CYP2D6: variants seen among roughly 807,000 people sequenced by gnomAD.
The protein encoded by CYP2D6 is cytochrome P450 2D6.
CYP2D6 carries 51 observed loss-of-function variants against 43.5 expected under a neutral mutation model. The observed-to-expected ratio is 1.17, with a 90% confidence interval of 0.94 to 1.48. CYP2D6 has a LOEUF of 1.48. Among genes scored for constraint, CYP2D6 ranks in the 40% most tolerant of loss-of-function variants. CYP2D6 has a pLI of 0.00. For synonymous variants in CYP2D6, 346 were observed against 297.1 expected (o/e 1.16, Z -1.69); for missense variants, 698 against 688.0 (o/e 1.01, Z -0.16).
intron 1 of CYP2D6, 90 bp downstream of exon 1, chr22:42,130,522 G>A (rs29001678): frequency 0.033 from 42,294 of 1,271,684 alleles, 1,858 homozygotes; most frequent in Non-Finnish European, 0.039. Flanking sequence ...CTGGCTTCTG[G>A]TCCAGCCTGT....
chr22:42,129,956 G>C lies in CYP2D6; in HGVS notation c.181-47C>G, dbSNP rs1019158703. 4 of 1,484,650 alleles carry C rather than the reference G, an allele frequency of 2.7e-6. No individual in the cohort carries two copies. In the African/African-American group the frequency reaches 6.1e-5, roughly 23 times the overall value. The allele number at this position is 1,484,650 out of a possible 1,614,324, so 92.0% of individuals were successfully genotyped here. A position where few individuals can be genotyped will look rare whatever the true frequency, so the allele number is the denominator to read the frequency against. ...CTCTTGTCAAGCCAGGATCACCCCAGACTACAGGTCCTAGTCCTATTTGAA... is the reference window on the plus strand; with the variant it reads ...CTCTTGTCAAGCCAGGATCACCCCACACTACAGGTCCTAGTCCTATTTGAA... On this transcript the variant is annotated intron_variant, in intron 1 of 8. Transcript: ENST00000645361.
chr22:42,127,511 A>G lies in CYP2D6; in HGVS notation c.1109T>C (p.Val370Ala), dbSNP rs2146931151. The G allele has an allele frequency of 1.2e-6, 2 of 1,611,676 alleles. No individual in the cohort carries two copies. Among genetic ancestry groups the G allele is most frequent in the Non-Finnish European group, 1.7e-6 (2 of 1,178,362 alleles). ...IHEVQRFGDI[V>A]PLGVTHMTSR... ...TGTCATATGGGTCACACCCAGGGGGACGATGTCCCCAAAGCGCTGCACCTC... is the reference window on the plus strand; with the variant it reads ...TGTCATATGGGTCACACCCAGGGGGGCGATGTCCCCAAAGCGCTGCACCTC... The change falls in exon 7 of 9, where the codon GTC (valine) becomes GCC (alanine). Residue 370 changes from valine to alanine, a missense_variant. Val to Ala is a moderately conservative substitution (Grantham distance 64). Transcript: ENST00000645361.
rs1292872918 is a variant in CYP2D6 at position 42,127,923 on chromosome 22, G to A, written c.904C>T (p.Leu302=). Residue 302 remains leucine (L), a synonymous_variant, in exon 6 of 9, where the codon CTG becomes TTG. Coordinates refer to ENST00000645361, the MANE Select transcript of CYP2D6 (RefSeq NM_000106.6). The part of the protein sequence containing the change: ...DENLRIVVAD[L]FSAGMVTTST... ...GTGGTCACCATCCCGGCAGAGAACA[G>A]GTCAGCCACCACTATGCGCAGGTTC... 1.9e-6 allele frequency: 3 copies of A among 1,611,178 alleles called. No individual in the cohort carries two copies. Among genetic ancestry groups the A allele is most frequent in the East Asian group, 2.2e-5 (1 of 44,752 alleles).
Position 42,129,157 on chromosome 22 carries a change from C to T in CYP2D6, c.381G>A (p.Ala127=), listed in dbSNP as rs761571009. 9.3e-6 allele frequency: 15 copies of T among 1,607,980 alleles called. 1 individual carries two copies. Among genetic ancestry groups the T allele is most frequent in the South Asian group, 8.8e-5 (8 of 90,906 alleles). The change falls in exon 3 of 9, where the codon GCG becomes GCA. Residue 127 remains alanine, a synonymous_variant. Transcript: ENST00000645361. The stretch of plus-strand genomic sequence containing the variant: ...CGGAGAAGCGCCTCTGCTCGCGCCA[C>T]GCGGGCCCATAGCGCGCCAGGAACA... ...QGVFLARYGP[A]WREQRRFSVS...
At position 42,129,127 on chromosome 22, in the gene CYP2D6, G is replaced by A. The variant is rs1349481801; in HGVS notation, c.411C>T (p.Ser137=). The change falls in exon 3 of 9, where the codon TCC becomes TCT. Residue 137 remains serine (S), a synonymous_variant. Transcript: ENST00000645361. ...AWREQRRFSV[S]TLRNLGLGKK... is the part of the protein sequence containing the mutation. ...TGCCCAGGCCCAAGTTGCGCAAGGT[G>A]GACACGGAGAAGCGCCTCTGCTCGC... 5.6e-6 allele frequency: 9 copies of A among 1,610,540 alleles called. No individual in the cohort carries two copies. The highest frequency in any genetic ancestry group is 2.7e-5 in the African/African-American group (2 of 74,616).
At chr22:42,129,981 A>G (rs1602586115) in intron 1 of CYP2D6, 72 bp from the exon 2 acceptor site, 2 of 1,396,466 alleles carry the variant, frequency 1.4e-6, no homozygotes, top group Admixed American at 2.2e-5. Flanking sequence ...TCCTATTTGA[A>G]CCTTGGACGA....
chr22:42,127,882 G>A lies in CYP2D6; in HGVS notation c.945C>T (p.Ala315=). ...GTAGGATCATGAGCAGGAGGCCCCA[G>A]GCCAGCGTGGTCGAGGTGGTCACCA... ...AGMVTTSTTL[A]WGLLLMILHP... The change falls in exon 6 of 9, where the codon GCC becomes GCT. Residue 315 remains alanine (A), a synonymous_variant. Transcript: ENST00000645361. 2 of 1,611,196 alleles carry A rather than the reference G, an allele frequency of 1.2e-6. No individual in the cohort carries two copies. Among genetic ancestry groups the A allele is most frequent in the Non-Finnish European group, 1.7e-6 (2 of 1,178,204 alleles).
intron 7 of CYP2D6, 58 bp downstream of exon 7, chr22:42,127,389 G>A (rs1412928919): frequency 1.4e-6 from 2 of 1,390,074 alleles, no homozygotes; most frequent in African/African-American, 2.9e-5. Flanking sequence ...CAGTAGCCAT[G>A]CTGGGGCTAT....
chr22:42,127,230 C>G (rs552754154), intron 7 of CYP2D6, among the ~76,000 whole-genome samples: 38 of 151,696 alleles, frequency 2.5e-4, no homozygotes, highest in African/African-American at 8.7e-4. Context: ...AACATTCTGG[C>G]AGGTCCTGGT....
rs1555888910 is a variant in CYP2D6 at position 42,127,523 on chromosome 22, A to G, written c.1097T>C (p.Phe366Ser). The G allele has an allele frequency of 1.2e-6, 2 of 1,611,870 alleles. No homozygotes were observed. The highest frequency in any genetic ancestry group is 8.5e-7 in the Non-Finnish European group (1 of 1,178,588). The change falls in exon 7 of 9, where the codon TTT becomes TCT. Residue 366 changes from phenylalanine (F) to serine (S), a missense_variant. Physicochemically the swap from Phe to Ser is radical, Grantham distance 155. Transcript: ENST00000645361. Reference sequence around the variant, plus strand: ...CACACCCAGGGGGACGATGTCCCCAAAGCGCTGCACCTCATGAATCACGGC... The same window carrying G: ...CACACCCAGGGGGACGATGTCCCCAGAGCGCTGCACCTCATGAATCACGGC... ...TTAVIHEVQR[F>S]GDIVPLGVTH...
chr22:42,128,654 C>T, intron 4 of CYP2D6, 130 bp downstream of exon 4: 4 of 1,113,040 alleles, frequency 3.6e-6, no homozygotes, highest in African/African-American at 1.6e-5. Context: ...GCCCTTCTTA[C>T]AGTGGGGTCT....
intron 5 of CYP2D6, 62 bp from the exon 6 acceptor site, chr22:42,128,045 C>G: frequency 1.2e-6 from 2 of 1,607,392 alleles, no homozygotes; most frequent in East Asian, 2.2e-5. Context: ...ACCTCCAATT[C>G]TGCACCTGTC....
chr22:42,127,690 A>G (rs1189347298), intron 6 of CYP2D6, 56 bp from the exon 7 acceptor site: 2 of 1,585,066 alleles, frequency 1.3e-6, no homozygotes, highest in Non-Finnish European at 1.7e-6. Context: ...CGGCCCTGAC[A>G]CTCCTTCTTG....
intron 4 of CYP2D6, 76 bp downstream of exon 4, chr22:42,128,708 T>C: frequency 6.6e-7 from 1 of 1,516,906 alleles, no homozygotes; most frequent in South Asian, 1.2e-5. Context: ...AATCCTGCTC[T>C]TCCGAGGCCC....
chr22:42,127,820 A>G, intron 6 of CYP2D6, 22 bp downstream of exon 6: 1 of 1,609,888 alleles, frequency 6.2e-7, no homozygotes, highest in Non-Finnish European at 8.5e-7. Flanking sequence ...CGGCCCCTGC[A>G]CTGTTTCCCA....
intron 2 of CYP2D6, 36 bp downstream of exon 2, chr22:42,129,702 C>G: frequency 6.2e-7 from 1 of 1,607,964 alleles, no homozygotes; most frequent in Non-Finnish European, 8.5e-7. Context: ...CACCCGGGTC[C>G]CACGGAAATC....
In CYP2D6 at chr22:42,127,865, A is replaced by G. The variant is rs200234159; in HGVS notation, c.962T>C (p.Met321Thr). The G allele has an allele frequency of 6.2e-6, 10 of 1,611,114 alleles. No individual in the cohort carries two copies. Among genetic ancestry groups the G allele is most frequent in the Non-Finnish European group, 7.6e-6 (9 of 1,178,182 alleles). The change falls in exon 6 of 9, where the codon ATG (methionine) becomes ACG (threonine). Residue 321 changes from methionine to threonine, a missense_variant. Physicochemically the swap from Met to Thr is moderately conservative, Grantham distance 81. Coordinates refer to ENST00000645361, the MANE Select transcript of CYP2D6 (RefSeq NM_000106.6). ...STTLAWGLLLMILHPDVQRRV... is the reference protein window; with the variant it reads ...STTLAWGLLLTILHPDVQRRV... ...ACGCTGCACATCCGGATGTAGGATC[A>G]TGAGCAGGAGGCCCCAGGCCAGCGT...
Position 42,128,898 on chromosome 22 carries a change from G to A in CYP2D6, c.552C>T (p.Asn184=), listed in dbSNP as rs759756045. ...PNGLLDKAVS[N]VIASLTCGRR... ...GCCCGCAGGTGAGGGAGGCGATCAC[G>A]TTGCTCACGGCTTTGTCCAAGAGAC... Residue 184 remains asparagine (N), a synonymous_variant, in exon 4 of 9, where the codon AAC becomes AAT. Coordinates refer to ENST00000645361, the MANE Select transcript of CYP2D6 (RefSeq NM_000106.6). 1.8e-5 allele frequency: 28 copies of A among 1,594,830 alleles called. 2 individuals are homozygous for A. Among genetic ancestry groups the A allele is most frequent in the Middle Eastern group, 1.7e-4 (1 of 6,048 alleles).
chr22:42,129,252 C>T (rs1602581247), intron 2 of CYP2D6, 67 bp from the exon 3 acceptor site: 2 of 1,552,210 alleles, frequency 1.3e-6, no homozygotes, highest in African/African-American at 2.7e-5. Flanking sequence ...CCACCCACTC[C>T]AACCCTATGC....
Sources: gnomAD v4.1 joint callset for allele counts (sites outside exome capture counted in the v4.1 genomes callset) on GRCh38, gnomAD v4.1.1 for gene constraint, MANE v1.5 for transcripts, NCBI Gene and HGNC (gene_info 2026-07-23, HGNC 2026-07-21) for gene names.